The following ARFGEF3 variants were observed in gnomAD, a reference collection of about 807,000 sequenced individuals.
The protein encoded by ARFGEF3 is ARFGEF family member 3.
ARFGEF3 carries 96 observed loss-of-function variants against 221.7 expected under a neutral mutation model. That is an observed-to-expected ratio of 0.43 (90% CI 0.37 to 0.51). The LOEUF (loss-of-function observed/expected upper bound fraction) is 0.51. Among genes scored for constraint, ARFGEF3 ranks in the 20% least tolerant of loss-of-function variants. The probability of loss-of-function intolerance (pLI) is 0.00; values close to 1 mark genes in which losing one functional copy is unlikely to be tolerated. For synonymous variants in ARFGEF3, 1,145 were observed against 1,126.8 expected, an observed-to-expected ratio of 1.02 and a Z score of -0.32; for missense variants, 2,410 against 2,789.9, an observed-to-expected ratio of 0.86 and a Z score of 3.07.
intron 24 of ARFGEF3, 151 bp from the exon 25 acceptor site, chr6:138,311,256 T>C: frequency 1.7e-6 from 1 of 592,854 alleles, no homozygotes; most frequent in South Asian, 2.1e-5. Flanking sequence ...TTCCTCAGGG[T>C]TGTGCAATTT....
intron 4 of ARFGEF3, among the ~76,000 whole-genome samples, chr6:138,229,347 C>G (rs1221707039): frequency 6.6e-6 from 1 of 152,194 alleles, no homozygotes; most frequent in African/African-American, 2.4e-5. Flanking sequence ...TCATGGAGTT[C>G]TAGTTTTCTC....
intron 27 of ARFGEF3, among the ~76,000 whole-genome samples, chr6:138,318,805 A>C (rs189903343): frequency 1.9e-3 from 297 of 152,364 alleles, no homozygotes; most frequent in African/African-American, 6.8e-3. Flanking sequence ...AATGATTTTC[A>C]TTATAGCATA....
intron 1 of ARFGEF3, among the ~76,000 whole-genome samples, chr6:138,168,282 A>G (rs1377202331): frequency 6.6e-6 from 1 of 152,206 alleles, no homozygotes; most frequent in Admixed American, 6.5e-5. Flanking sequence ...AGAAGATAGG[A>G]GGTACTTGGA....
Position 138,162,574 on chromosome 6 carries a change from A to G in ARFGEF3, c.85+403A>G, listed in dbSNP as rs540580077. Among the ~76,000 whole-genome samples, 40 of 152,322 alleles carry G rather than the reference A, an allele frequency of 2.6e-4. 2 individuals carry two copies. The highest frequency in any genetic ancestry group is 2.5e-3 in the Admixed American group (39 of 15,310). On this transcript the variant is annotated intron_variant, in intron 1 of 33. Coordinates refer to ENST00000251691, the MANE Select transcript of ARFGEF3 (RefSeq NM_020340.5). This position sits in a 1 kb window ranked among gnomAD's most constrained non-coding sequence, Gnocchi z 4.7. ...CAACCCCGATGTCGAATCCTTGGCGAGTGGAACCAGGAAGGAAAGGCTTGT... is the reference window on the plus strand; with the variant it reads ...CAACCCCGATGTCGAATCCTTGGCGGGTGGAACCAGGAAGGAAAGGCTTGT...
At chr6:138,179,499 C>T (rs1319766055) in intron 2 of ARFGEF3, among the ~76,000 whole-genome samples, 1 of 152,090 alleles carries the variant, frequency 6.6e-6, no homozygotes, top group Non-Finnish European at 1.5e-5. Context: ...TGTCCCACCA[C>T]CTCTCCTCCC....
chr6:138,297,717 C>T lies in ARFGEF3; in HGVS notation c.3648+762C>T, dbSNP rs191431899. On this transcript the variant is annotated intron_variant, in intron 21 of 33. Transcript: ENST00000251691. ...GTTATCTTTTACTCTACAATAAGGC[C>T]TCCCCAACATCTAGTGGCTTAAAAC... is the stretch of plus-strand genomic sequence containing the variant. Among the ~76,000 whole-genome samples the T allele has an allele frequency of 5.9e-5, 9 of 152,268 alleles. No homozygotes were observed. The East Asian group carries it at 9.6e-4, about 16-fold the overall frequency.
intron 2 of ARFGEF3, among the ~76,000 whole-genome samples, chr6:138,194,765 G>T (rs898595589): frequency 6.6e-6 from 1 of 152,226 alleles, no homozygotes; most frequent in Non-Finnish European, 1.5e-5. Flanking sequence ...TCTCTAGGGA[G>T]AAGAAAAAGA....
At chr6:138,248,555 A>T (rs1350035272) in intron 8 of ARFGEF3, among the ~76,000 whole-genome samples, 3 of 152,202 alleles carry the variant, frequency 2.0e-5, no homozygotes, top group Non-Finnish European at 4.4e-5. Context: ...TAAGTGCTAG[A>T]AACGTGGGAG....
Position 138,321,106 on chromosome 6 carries a change from C to T in ARFGEF3, c.4652-5C>T, listed in dbSNP as rs61748668. 69,906 of 1,531,530 alleles carry T rather than the reference C, an allele frequency of 0.046. 1,824 individuals carry two copies. The highest frequency in any genetic ancestry group is 0.07 in the African/African-American group (5,056 of 72,738). 94.9% of individuals were successfully genotyped at this position (1,531,530 alleles called of 1,614,324 possible). ...GTGAAACTGTGATTTTGCTGTTTCC[C>T]ATAGATATCAGGTACGAGAGCATGA... is the stretch of plus-strand genomic sequence containing the variant. On this transcript the variant is annotated splice_polypyrimidine_tract_variant and splice_region_variant and intron_variant, in intron 28 of 33. Transcript: ENST00000251691.
At chr6:138,167,951 G>A (rs1776753983) in intron 1 of ARFGEF3, among the ~76,000 whole-genome samples, 1 of 152,166 alleles carries the variant, frequency 6.6e-6, no homozygotes, top group Admixed American at 6.5e-5. Flanking sequence ...TGAGACAGAG[G>A]GTCATCCCCC....
rs1409473890 is a variant in ARFGEF3 at position 138,210,026 on chromosome 6, G to A, written c.336G>A (p.Gln112=). The change falls in exon 4 of 34, where the codon CAG becomes CAA. Residue 112 remains glutamine (Q), a synonymous_variant. Transcript: ENST00000251691. The part of the protein sequence containing the change: ...KVTPSLNEDL[Q]VEVMKVLLCI... ...CGCCTTCGCTCAACGAGGACCTGCA[G>A]GTGGAAGTGATGAAGGTTGGTTTGA... 6.2e-6 allele frequency: 10 copies of A among 1,613,624 alleles called. No individual in the cohort carries two copies. The South Asian group carries it at 1.1e-4, about 18-fold the overall frequency.
chr6:138,342,191 G>T lies in ARFGEF3; in HGVS notation c.*5705G>T, dbSNP rs1321895143. ...CCTGGAGGGCCTTTTTTTAAAATAA[G>T]ACACAGATTGCTGGGCTCATGGTCA... On this transcript the variant is annotated 3_prime_UTR_variant, in exon 34 of 34. Transcript: ENST00000251691. 1 of 152,092 alleles carries T rather than the reference G, an allele frequency of 6.6e-6. No homozygotes were observed. Among genetic ancestry groups the T allele is most frequent in the East Asian group, 1.9e-4 (1 of 5,198 alleles). The allele number at this position is 152,092 out of a possible 1,614,324, so 9.4% of individuals were successfully genotyped here.
At chr6:138,208,196 G>A (rs1207583952) in intron 3 of ARFGEF3, among the ~76,000 whole-genome samples, 1 of 151,890 alleles carries the variant, frequency 6.6e-6, no homozygotes, top group East Asian at 1.9e-4. Flanking sequence ...ATTTTCAAGG[G>A]CTTACTGAAT....
rs139701714 is a variant in ARFGEF3, at chr6:138,245,310, A to G, written c.587-203A>G. Among the ~76,000 whole-genome samples, 36 of 152,300 alleles carry G rather than the reference A, an allele frequency of 2.4e-4. No homozygotes were observed. In the East Asian group the frequency reaches 5.8e-3, roughly 24 times the overall value. The stretch of plus-strand genomic sequence containing the variant: ...GAGTGAGGCTCTGTCTCCAAAAAAT[A>G]AACAAACAAACAAAAGAATAATCAC... On this transcript the variant is annotated intron_variant, in intron 7 of 33. Transcript: ENST00000251691.
intron 14 of ARFGEF3, 108 bp from the exon 15 acceptor site, chr6:138,285,836 CAT>C: frequency 1.5e-6 from 1 of 667,224 alleles, no homozygotes; most frequent in Non-Finnish European, 2.7e-6. Context: ...ATGCTTGAAA[CAT>C]AAAAGATACA....
chr6:138,290,045 A>C, intron 18 of ARFGEF3, 77 bp downstream of exon 18: 1 of 1,464,896 alleles, frequency 6.8e-7, no homozygotes, highest in Non-Finnish European at 9.2e-7. Flanking sequence ...GCAGGTGGAG[A>C]GGGGTGGCCT....
chr6:138,303,600 G>A (rs1250969893), intron 22 of ARFGEF3, among the ~76,000 whole-genome samples: 1 of 151,906 alleles, frequency 6.6e-6, no homozygotes, highest in Non-Finnish European at 1.5e-5. Context: ...GTCAAGAGAT[G>A]GAGACCATCC....
intron 2 of ARFGEF3, among the ~76,000 whole-genome samples, chr6:138,199,460 GTTAC>G (rs1562350714): frequency 6.6e-6 from 1 of 152,094 alleles, no homozygotes; most frequent in African/African-American, 2.4e-5. Context: ...TGTATTTGGG[GTTAC>G]TTAAAGTTCG....
intron 26 of ARFGEF3, among the ~76,000 whole-genome samples, chr6:138,315,051 T>C (rs1433513433): frequency 2.6e-5 from 4 of 152,248 alleles, no homozygotes; most frequent in Non-Finnish European, 5.9e-5. Context: ...CAAATTGGAA[T>C]GAAGTTCCAT....
Sources: allele counts gnomAD v4.1 joint callset (sites outside exome capture counted in the v4.1 genomes callset), GRCh38; gene constraint gnomAD v4.1.1; non-coding constraint Gnocchi (gnomAD v3.1); transcripts MANE v1.5; gene names NCBI Gene and HGNC (gene_info 2026-07-23, HGNC 2026-07-21).